Variants in SEMA3A observed in about 807,000 individuals in gnomAD.
SEMA3A encodes semaphorin 3A, also known as semaphorin-3A.
A neutral mutation model predicts 97.9 loss-of-function variants in SEMA3A; 29 were observed. The ratio of observed to expected loss-of-function variants is 0.30; its 90% CI spans 0.22 to 0.40. SEMA3A has a LOEUF of 0.40. Ranked by LOEUF, SEMA3A falls within the 10% of genes least tolerant of loss-of-function variation. The pLI is 1.00. For missense variants in SEMA3A, 763 were observed against 951.3 expected (o/e 0.80, Z 2.60); for synonymous variants, 321 against 323.7 (o/e 0.99, Z 0.09).
chr7:84,269,751 G>A (rs1366347850), intron 3 of SEMA3A, among the ~76,000 whole-genome samples: 1 of 152,050 alleles, frequency 6.6e-6, no homozygotes, highest in Non-Finnish European at 1.5e-5. Flanking sequence ...TCTAAATAAT[G>A]TTGGTTGTTT....
intron 2 of SEMA3A, among the ~76,000 whole-genome samples, chr7:84,369,241 G>C (rs778774799): frequency 2.7e-5 from 4 of 150,870 alleles, no homozygotes; most frequent in Non-Finnish European, 4.5e-5. Flanking sequence ...TTAATATCCT[G>C]TGTTCTGTAT....
chr7:84,366,581 G>A (rs887133331), intron 2 of SEMA3A, among the ~76,000 whole-genome samples: 2 of 151,192 alleles, frequency 1.3e-5, no homozygotes, highest in Admixed American at 6.6e-5. Context: ...CTGTGATTCC[G>A]TGCTACACTA....
At chr7:84,313,401 TATATAA>T (rs1197444143) in intron 2 of SEMA3A, among the ~76,000 whole-genome samples, 54 of 117,594 alleles carry the variant, frequency 4.6e-4, no homozygotes, top group African/African-American at 1.6e-3. Context: ...TATATATATA[TATATAA>T]ACTATACGTG....
intron 3 of SEMA3A, among the ~76,000 whole-genome samples, chr7:84,235,483 ATTTC>A (rs1263861236): frequency 2.0e-5 from 3 of 151,924 alleles, no homozygotes; most frequent in African/African-American, 7.2e-5. Flanking sequence ...TTTCTTCTTT[ATTTC>A]TTTATTTTCT....
At chr7:84,163,685 T>G (rs2116175328) in intron 1 of SEMA3A, among the ~76,000 whole-genome samples, 1 of 152,214 alleles carries the variant, frequency 6.6e-6, no homozygotes, top group South Asian at 2.1e-4. Flanking sequence ...ATCCCTACAT[T>G]TTATGAATTC....
At chr7:84,130,319 C>T (rs900746243) in intron 2 of SEMA3A, among the ~76,000 whole-genome samples, 4 of 151,900 alleles carry the variant, frequency 2.6e-5, no homozygotes, top group African/African-American at 9.7e-5. Flanking sequence ...TGGAGAATTA[C>T]AAAGCAAAAC....
At chr7:83,975,661 G>C (rs890347825) in intron 15 of SEMA3A, among the ~76,000 whole-genome samples, 1 of 152,002 alleles carries the variant, frequency 6.6e-6, no homozygotes, top group Admixed American at 6.6e-5. Context: ...GTTTCATTTT[G>C]ATATGGAGAT....
At chr7:84,345,702 C>A (rs1223632703) in intron 2 of SEMA3A, among the ~76,000 whole-genome samples, 1 of 152,148 alleles carries the variant, frequency 6.6e-6, no homozygotes, top group East Asian at 1.9e-4. Context: ...AATTTAGACA[C>A]AACTTCAGGC....
intron 4 of SEMA3A, among the ~76,000 whole-genome samples, chr7:84,098,797 G>A (rs1794856665): frequency 6.6e-6 from 1 of 152,054 alleles, no homozygotes; most frequent in Admixed American, 6.6e-5. Context: ...GTTATGATGG[G>A]CATGAGGACA....
intron 2 of SEMA3A, among the ~76,000 whole-genome samples, chr7:84,363,264 A>C (rs960946218): frequency 6.6e-6 from 1 of 151,956 alleles, no homozygotes; most frequent in African/African-American, 2.4e-5. Context: ...GAACTGATTC[A>C]TTAAGTGAGA....
At chr7:84,231,650 A>G (rs957305639) in intron 3 of SEMA3A, among the ~76,000 whole-genome samples, 1 of 151,986 alleles carries the variant, frequency 6.6e-6, no homozygotes, top group Non-Finnish European at 1.5e-5. Flanking sequence ...CAGTGACAGA[A>G]AGAGTCTTGG....
At chr7:84,405,696 T>A (rs932510215) in intron 1 of SEMA3A, among the ~76,000 whole-genome samples, 1 of 152,162 alleles carries the variant, frequency 6.6e-6, no homozygotes, top group African/African-American at 2.4e-5. Flanking sequence ...GCAAACTGTC[T>A]CTCAGACCAC....
chr7:84,217,606 C>A (rs1798779898), intron 3 of SEMA3A, among the ~76,000 whole-genome samples: 1 of 151,906 alleles, frequency 6.6e-6, no homozygotes, highest in African/African-American at 2.4e-5. Context: ...AATAGGAGGG[C>A]AGAAATAAGA....
At position 84,014,309 on chromosome 7, in the gene SEMA3A, T is replaced by C. The variant is rs146698230; in HGVS notation, c.710A>G (p.Asn237Ser). The change falls in exon 7 of 17, where the codon AAT becomes AGT. Residue 237 changes from asparagine to serine, a missense_variant. Asn to Ser is a conservative substitution (Grantham distance 46). This residue lies in a region of SEMA3A where 678 missense variants were observed against 881.3 expected (regional missense o/e 0.77). Coordinates refer to ENST00000265362, the MANE Select transcript of SEMA3A (RefSeq NM_006080.3). Reference sequence around the variant, plus strand: ...AAAGTATACTTTGTCATCTTCAGGATTGTCACTCTCTGAGATGAGGTGGGC... The same window carrying C: ...AAAGTATACTTTGTCATCTTCAGGACTGTCACTCTCTGAGATGAGGTGGGC... ...ISAHLISESD[N>S]PEDDKVYFFF... The C allele has an allele frequency of 3.4e-5, 55 of 1,612,332 alleles. No homozygotes were observed. Among genetic ancestry groups the C allele is most frequent in the South Asian group, 1.3e-4 (12 of 91,040 alleles).
chr7:84,359,013 T>G (rs1352629905), intron 2 of SEMA3A, among the ~76,000 whole-genome samples: 1 of 152,038 alleles, frequency 6.6e-6, no homozygotes, highest in Non-Finnish European at 1.5e-5. Flanking sequence ...CTGAAGCTGC[T>G]GAAAGCAGCT....
intron 1 of SEMA3A, among the ~76,000 whole-genome samples, chr7:84,152,155 C>T (rs1224574856): frequency 6.6e-6 from 1 of 151,522 alleles, no homozygotes; most frequent in Non-Finnish European, 1.5e-5. Context: ...GGATCTAGAA[C>T]TAGAAATACC....
intron 6 of SEMA3A, among the ~76,000 whole-genome samples, chr7:84,033,661 G>A (rs1003960680): frequency 2.0e-5 from 3 of 152,052 alleles, no homozygotes; most frequent in African/African-American, 2.4e-5. Flanking sequence ...CAGGTAGAAG[G>A]GAACAAAAAC....
In SEMA3A at chr7:84,244,634, T is replaced by C. The variant is rs139934021; in HGVS notation, c.-82-49966A>G. Among the ~76,000 whole-genome samples the C allele has an allele frequency of 7.2e-5, 11 of 152,320 alleles. No homozygotes were observed. The South Asian group carries it at 1.2e-3, about 17-fold the overall frequency. Reference sequence around the variant, plus strand: ...TGTGAATTTAATCCTGTCATCATTATGCTAGGTGGTTATTTTGCCCATTAG... The same window carrying C: ...TGTGAATTTAATCCTGTCATCATTACGCTAGGTGGTTATTTTGCCCATTAG... On this transcript the variant is annotated intron_variant, in intron 3 of 3. Coordinates refer to the SEMA3A transcript ENST00000424555.
chr7:84,283,270 G>A (rs867944271), intron 3 of SEMA3A, among the ~76,000 whole-genome samples: 18 of 151,946 alleles, frequency 1.2e-4, no homozygotes, highest in African/African-American at 3.9e-4. Context: ...ACCATTTCCC[G>A]AATGCATGGA....
Sources: gnomAD v4.1 joint callset for allele counts (sites outside exome capture counted in the v4.1 genomes callset) on GRCh38, gnomAD v4.1.1 for gene constraint, gnomAD v4.1.1 regional missense constraint, MANE v1.5 for transcripts, NCBI Gene and HGNC (gene_info 2026-07-23, HGNC 2026-07-21) for gene names.